The following ZNF829 variants were observed in gnomAD, a reference collection of about 807,000 sequenced individuals.
The protein encoded by ZNF829 is zinc finger protein 829.
A neutral mutation model predicts 35.2 loss-of-function variants in ZNF829; 25 were observed. The ratio of observed to expected loss-of-function variants is 0.71; its 90% confidence interval spans 0.52 to 0.99. The LOEUF is 0.99. Ranked by LOEUF, ZNF829 falls within the 50% of genes least tolerant of loss-of-function variation. The probability of loss-of-function intolerance (pLI) is 0.00; values close to 1 mark genes in which losing one functional copy is unlikely to be tolerated. For missense variants in ZNF829, 417 were observed against 515.3 expected (o/e 0.81, Z 1.85); for synonymous variants, 136 against 163.2 (o/e 0.83, Z 1.27).
intron 3 of ZNF829, among the ~76,000 whole-genome samples, chr19:36,911,617 C>T (rs1251781208): frequency 6.6e-6 from 1 of 152,120 alleles, no homozygotes; most frequent in African/African-American, 2.4e-5. Context: ...AAAGGACACA[C>T]ATTCCCAATT....
intron 5 of ZNF829, among the ~76,000 whole-genome samples, chr19:36,904,540 C>A (rs993295248): frequency 1.3e-5 from 2 of 152,080 alleles, no homozygotes; most frequent in Non-Finnish European, 2.9e-5. Context: ...GCTGGGACTA[C>A]GGGCGCCTGC....
At position 36,891,676 on chromosome 19, in the gene ZNF829, C is replaced by A; in HGVS notation, c.1115G>T (p.Arg372Ile). The change falls in exon 6 of 6, where the codon AGA (arginine) becomes ATA (isoleucine). Residue 372 changes from arginine to isoleucine, a missense_variant. By Grantham distance (97) the Arg-to-Ile change is moderately conservative (BLOSUM62 -3). Transcript: ENST00000391711. ...IQSSELIQHQ[R>I]IHTDEKPYEC... ...ATATGGTTTTTCATCTGTATGGATTCTCTGATGTTGAATAAGTTCTGAGCT... is the reference window on the plus strand; with the variant it reads ...ATATGGTTTTTCATCTGTATGGATTATCTGATGTTGAATAAGTTCTGAGCT... The A allele has an allele frequency of 6.2e-7, 1 of 1,613,708 alleles. No homozygotes were observed. The highest frequency in any genetic ancestry group is 8.5e-7 in the Non-Finnish European group (1 of 1,179,856).
chr19:36,908,237 G>T, intron 4 of ZNF829, 96 bp downstream of exon 4: 1 of 1,496,370 alleles, frequency 6.7e-7, no homozygotes. Context: ...ACAGGGAGCA[G>T]AAATTCAGCT....
At chr19:36,907,902 G>T in intron 5 of ZNF829, 27 bp downstream of exon 5, 1 of 1,580,834 alleles carries the variant, frequency 6.3e-7, no homozygotes, top group Non-Finnish European at 8.7e-7. Context: ...TTATAGCCCT[G>T]CTCCTGAGCC....
At position 36,892,428 on chromosome 19, in the gene ZNF829, C is replaced by T. The variant is rs1425206177; in HGVS notation, c.363G>A (p.Lys121=). 2 of 1,605,768 alleles carry T rather than the reference C, an allele frequency of 1.2e-6. No individual in the cohort carries two copies. Among genetic ancestry groups the T allele is most frequent in the Non-Finnish European group, 1.7e-6 (2 of 1,178,692 alleles). The change falls in exon 6 of 6, where the codon AAG becomes AAA. Residue 121 remains lysine (K), a synonymous_variant. Coordinates refer to ENST00000391711, the MANE Select transcript of ZNF829 (RefSeq NM_001037232.4). The part of the protein sequence containing the change: ...MCETKILSLK[K]RHFSQVIITR... ...TAATTATTACTTGACTGAAATGTCT[C>T]TTCTTTAGAGATAATATTTTGGTCT...
intron 5 of ZNF829, among the ~76,000 whole-genome samples, chr19:36,896,184 AC>A (rs2073110899): frequency 1.3e-5 from 2 of 151,860 alleles, no homozygotes; most frequent in Non-Finnish European, 2.9e-5. Flanking sequence ...GGTGGCAGGC[AC>A]CTGTAGTCCC....
At chr19:36,901,226 C>T (rs2073162844) in intron 5 of ZNF829, among the ~76,000 whole-genome samples, 1 of 152,104 alleles carries the variant, frequency 6.6e-6, no homozygotes, top group Admixed American at 6.5e-5. Context: ...CACGGATGAA[C>T]CCTGAAAAGC....
At position 36,916,211 on chromosome 19, in the gene ZNF829, C is replaced by CG. The variant is rs1256733632; in HGVS notation, c.-286dup. ...GCCGAGCCTCGGAGTTGCGGGTCGCCGTAGCGCTGCGCAATGGAGATGAGC... is the reference window on the plus strand; with the variant it reads ...GCCGAGCCTCGGAGTTGCGGGTCGCCGGTAGCGCTGCGCAATGGAGATGAGC... On this transcript the variant is annotated 5_prime_UTR_variant, in exon 1 of 6. Coordinates refer to ENST00000391711, the MANE Select transcript of ZNF829 (RefSeq NM_001037232.4). The surrounding 1 kb of genome is among the most constrained non-coding windows in gnomAD (Gnocchi z 5.3). 1 of 444,308 alleles carries CG rather than the reference C, an allele frequency of 2.3e-6. No individual in the cohort carries two copies. Among genetic ancestry groups the CG allele is most frequent in the African/African-American group, 2.0e-5 (1 of 49,204 alleles). The allele number at this position is 444,308 out of a possible 1,614,324, so 27.5% of individuals were successfully genotyped here.
At chr19:36,914,822 A>T in intron 3 of ZNF829, 143 bp downstream of exon 3, 1 of 719,532 alleles carries the variant, frequency 1.4e-6, no homozygotes, top group South Asian at 1.9e-5. Flanking sequence ...TTTAAATCAG[A>T]ATAAATATTT....
At position 36,901,936 on chromosome 19, in the gene ZNF829, T is replaced by C. The variant is rs1148397; in HGVS notation, c.319+5993A>G. The C allele has an allele frequency of 8.1e-3, 6,172 of 761,612 alleles. 323 individuals are homozygous for C. In the African/African-American group the frequency reaches 0.091, roughly 11 times the overall value. 47.2% of individuals were successfully genotyped at this position (761,612 alleles called of 1,614,324 possible). A position where few individuals can be genotyped will look rare whatever the true frequency, so the allele number is the denominator to read the frequency against. On this transcript the variant is annotated intron_variant, in intron 5 of 5. Coordinates refer to ENST00000391711, the MANE Select transcript of ZNF829 (RefSeq NM_001037232.4). ...TGGGAACTCCAGATGTGCGCACTGA[T>C]ACCAGGCTCAACAAAGCTGTCTGGG...
At position 36,916,029 on chromosome 19, in the gene ZNF829, C is replaced by T. The variant is rs2146256645; in HGVS notation, c.-103G>A. ...ATCTCACCTCCCAGATCTAAGGGTC[C>T]CGCCAGGAGTGACGAAACGTTCGAA... On this transcript the variant is annotated 5_prime_UTR_variant, in exon 1 of 6. Coordinates refer to ENST00000391711, the MANE Select transcript of ZNF829 (RefSeq NM_001037232.4). This position sits in a 1 kb window ranked among gnomAD's most constrained non-coding sequence, Gnocchi z 5.3. 2 of 1,157,460 alleles carry T rather than the reference C, an allele frequency of 1.7e-6. No homozygotes were observed. Among genetic ancestry groups the T allele is most frequent in the East Asian group, 2.8e-5 (1 of 36,102 alleles). 71.7% of individuals were successfully genotyped at this position (1,157,460 alleles called of 1,614,324 possible).
At chr19:36,908,169 T>G in intron 4 of ZNF829, 145 bp from the exon 5 acceptor site, 1 of 1,204,042 alleles carries the variant, frequency 8.3e-7, no homozygotes, top group Non-Finnish European at 1.2e-6. Flanking sequence ...CACAGCCCAT[T>G]GGAGCTGCCC....
intron 5 of ZNF829, chr19:36,905,532 G>T (rs1600739090): frequency 2.0e-5 from 3 of 151,492 alleles, no homozygotes; most frequent in South Asian, 4.2e-4. Context: ...CCGCCTCCCT[G>T]GTTCAAGCGA....
chr19:36,904,294 G>C (rs984430734), intron 5 of ZNF829, among the ~76,000 whole-genome samples: 1 of 152,182 alleles, frequency 6.6e-6, no homozygotes. Context: ...TTTGAAGGTA[G>C]GTATCAGAAG....
intron 3 of ZNF829, among the ~76,000 whole-genome samples, chr19:36,914,366 T>A (rs1000693752): frequency 1.3e-5 from 2 of 151,984 alleles, no homozygotes; most frequent in Non-Finnish European, 2.9e-5. Flanking sequence ...TACGAATCAA[T>A]AAGAGCTATT....
chr19:36,916,154 G>A lies in ZNF829; in HGVS notation c.-228C>T, dbSNP rs895453594. 3.4e-5 allele frequency: 18 copies of A among 534,024 alleles called. 1 individual carries two copies. The highest frequency in any genetic ancestry group is 3.3e-4 in the African/African-American group (17 of 51,494). The allele number at this position is 534,024 out of a possible 1,614,324, so 33.1% of individuals were successfully genotyped here. ...GTCAGCTCCTCGCCTGGGCCCACCC[G>A]AAACGGCTGCTCCCTCAACTCTCAA... On this transcript the variant is annotated 5_prime_UTR_variant, in exon 1 of 6. Coordinates refer to ENST00000391711, the MANE Select transcript of ZNF829 (RefSeq NM_001037232.4). This position sits in a 1 kb window ranked among gnomAD's most constrained non-coding sequence, Gnocchi z 5.3.
chr19:36,915,297 C>T, intron 1 of ZNF829, 46 bp from the exon 2 acceptor site: 1 of 1,559,460 alleles, frequency 6.4e-7, no homozygotes, highest in Non-Finnish European at 8.7e-7. Context: ...TGACAGGACC[C>T]CATACTCATA....
chr19:36,896,753 A>G (rs2073117523), intron 5 of ZNF829, among the ~76,000 whole-genome samples: 1 of 152,244 alleles, frequency 6.6e-6, no homozygotes, highest in Non-Finnish European at 1.5e-5. Flanking sequence ...ATTTTTAAAA[A>G]TTGAAATCAT....
At chr19:36,900,017 T>C (rs769924714) in intron 5 of ZNF829, among the ~76,000 whole-genome samples, 2 of 151,908 alleles carry the variant, frequency 1.3e-5, no homozygotes, top group Non-Finnish European at 2.9e-5. Flanking sequence ...TAAAAATAAC[T>C]AAAAGAGGCT....
Sources: allele counts gnomAD v4.1 joint callset (sites outside exome capture counted in the v4.1 genomes callset), GRCh38; gene constraint gnomAD v4.1.1; non-coding constraint Gnocchi (gnomAD v3.1); transcripts MANE v1.5; gene names NCBI Gene and HGNC (gene_info 2026-07-23, HGNC 2026-07-21).